The following PSMG2 variants were observed in gnomAD, a reference collection of about 807,000 sequenced individuals.
PSMG2 encodes the protein proteasome assembly chaperone 2, also known as CD40 ligand-activated specific transcript 3.
In PSMG2, 21 loss-of-function variants were observed where a neutral mutation model predicts 31.5. That is an observed-to-expected ratio of 0.67 (90% CI 0.47 to 0.96). PSMG2 has a LOEUF of 0.96. Ranked by LOEUF, PSMG2 falls within the 40% of genes least tolerant of loss-of-function variation. The pLI, the probability that PSMG2 is intolerant of heterozygous loss-of-function variation, is 0.00. For synonymous variants in PSMG2, 120 were observed against 110.4 expected (o/e 1.09, Z -0.54); for missense variants, 318 against 321.2 (o/e 0.99, Z 0.08).
At chr18:12,702,427 G>A, upstream of PSMG2, 1 of 1,351,132 alleles carries the variant, frequency 7.4e-7, no homozygotes. Flanking sequence ...GGGCCGCCGG[G>A]CAGGAGGGAA....
At chr18:12,690,160 T>A (rs931273479) in intron 1 of PSMG2, among the ~76,000 whole-genome samples, 15 of 152,162 alleles carry the variant, frequency 9.9e-5, no homozygotes, top group African/African-American at 3.6e-4. Context: ...TGCCAACCAG[T>A]CATTCAATAT....
At chr18:12,698,905 T>C, upstream of PSMG2, 1 of 1,092,438 alleles carries the variant, frequency 9.2e-7, no homozygotes, top group Non-Finnish European at 1.3e-6. Context: ...ACAGAAAAAG[T>C]CATTATTATT....
chr18:12,723,476 G>A (rs1024630304), intron 5 of PSMG2, among the ~76,000 whole-genome samples: 1 of 151,620 alleles, frequency 6.6e-6, no homozygotes, highest in African/African-American at 2.4e-5. Flanking sequence ...CTTCATTTGC[G>A]ACAGAGTCTT....
At position 12,682,984 on chromosome 18, in the gene PSMG2, A is replaced by G. The variant is rs113616490; in HGVS notation, c.-36-23566A>G. Among the ~76,000 whole-genome samples, 422 of 152,196 alleles carry G rather than the reference A, an allele frequency of 2.8e-3. 1 individual carries two copies. The highest frequency in any genetic ancestry group is 0.01 in the Middle Eastern group (3 of 294). On this transcript the variant is annotated intron_variant, in intron 1 of 6. Coordinates refer to the PSMG2 transcript ENST00000585331. ...GTCCTAAAGAAAATTCAGAAGTAAAATAAAAATATCTGCAAAGATAGTCAG... is the reference window on the plus strand; with the variant it reads ...GTCCTAAAGAAAATTCAGAAGTAAAGTAAAAATATCTGCAAAGATAGTCAG...
intron 1 of PSMG2, chr18:12,670,746 C>G (rs1444483605): frequency 6.6e-6 from 1 of 151,288 alleles, no homozygotes; most frequent in East Asian, 2.0e-4. Context: ...CTTTTGGGCT[C>G]AAGTGATTCA....
intron 1 of PSMG2, chr18:12,672,655 CA>C: frequency 1.0e-6 from 1 of 982,250 alleles, no homozygotes. Context: ...CACAATTTAT[CA>C]GTATCATAAC....
At chr18:12,712,090 A>C (rs2040337958) in intron 2 of PSMG2, among the ~76,000 whole-genome samples, 1 of 152,178 alleles carries the variant, frequency 6.6e-6, no homozygotes, top group Non-Finnish European at 1.5e-5. Flanking sequence ...TTGGGCAGGG[A>C]AGCCTTAAGC....
intron 1 of PSMG2, among the ~76,000 whole-genome samples, chr18:12,705,576 A>AGTGTGTGTGTGTGTGTGT (rs548642491): frequency 4.6e-5 from 6 of 129,678 alleles, no homozygotes; most frequent in South Asian, 5.5e-4. Flanking sequence ...AGAGAGAGAG[A>AGTGTGTGTGTGTGTGTGT]GTGTGTGTGT....
intron 1 of PSMG2, among the ~76,000 whole-genome samples, chr18:12,687,641 G>A (rs2039590159): frequency 6.6e-6 from 1 of 151,302 alleles, no homozygotes; most frequent in African/African-American, 2.4e-5. Context: ...TTGTAGAGAT[G>A]GGGTTTCACG....
Position 12,720,492 on chromosome 18 carries a change from C to T in PSMG2, c.408-18C>T. The T allele has an allele frequency of 1.3e-6, 2 of 1,546,692 alleles. No homozygotes were observed. The highest frequency in any genetic ancestry group is 1.7e-6 in the Non-Finnish European group (2 of 1,147,578). On this transcript the variant is annotated intron_variant, in intron 4 of 6. Coordinates refer to ENST00000317615, the MANE Select transcript of PSMG2 (RefSeq NM_020232.5). ...TGCTTTAGAGTTTTTAAAAAGTTAA[C>T]TATATGATTATTTCTAGTACTCCCT...
Position 12,673,414 on chromosome 18 carries a change from G to A in PSMG2, c.-37+14641G>A, listed in dbSNP as rs1276301468. The A allele has an allele frequency of 1.9e-6, 3 of 1,606,736 alleles. No homozygotes were observed. Among genetic ancestry groups the A allele is most frequent in the Admixed American group, 3.4e-5 (2 of 58,276 alleles). On this transcript the variant is annotated intron_variant, in intron 1 of 6. Coordinates refer to the PSMG2 transcript ENST00000585331. ...AGCAAACATGATCCAAACAGCACATGCAGATTCAGGGTAAGTAAATACTCG... is the reference window on the plus strand; with the variant it reads ...AGCAAACATGATCCAAACAGCACATACAGATTCAGGGTAAGTAAATACTCG...
chr18:12,695,315 A>T, intron 1 of PSMG2: 1 of 1,568,590 alleles, frequency 6.4e-7, no homozygotes, highest in Non-Finnish European at 8.7e-7. Context: ...TTCAAGTTTT[A>T]TATTTAAAAT....
intron 1 of PSMG2, chr18:12,674,807 C>G: frequency 8.9e-7 from 1 of 1,129,780 alleles, no homozygotes; most frequent in East Asian, 2.6e-5. Flanking sequence ...ATTTTTAAAA[C>G]CAACTAAATA....
In PSMG2 at chr18:12,703,120, T is replaced by G; in HGVS notation, c.13T>G (p.Cys5Gly). 6.2e-7 allele frequency: 1 copy of G among 1,612,580 alleles called. No individual in the cohort carries two copies. The highest frequency in any genetic ancestry group is 8.5e-7 in the Non-Finnish European group (1 of 1,179,648). The change falls in exon 1 of 7, where the codon TGC (cysteine) becomes GGC (glycine). Residue 5 changes from cysteine to glycine, a missense_variant. Coordinates refer to ENST00000317615, the MANE Select transcript of PSMG2 (RefSeq NM_020232.5). ...CCCCACTGCGACCATGTTCGTTCCC[T>G]GCGGGGAGTCGGCCCCCGACCTTGC... MFVP[C>G]GESAPDLAGF...
At chr18:12,691,570 CT>C in intron 1 of PSMG2, 1 of 998,988 alleles carries the variant, frequency 1.0e-6, no homozygotes, top group Non-Finnish European at 1.5e-6. Context: ...ATCTACTTCT[CT>C]ACATCATTAC....
intron 1 of PSMG2, among the ~76,000 whole-genome samples, chr18:12,674,261 AC>A (rs1367668628): frequency 6.6e-6 from 1 of 151,520 alleles, no homozygotes; most frequent in Non-Finnish European, 1.5e-5. Context: ...ACATAGGAAG[AC>A]CCCCATCTCT....
intron 1 of PSMG2, chr18:12,680,688 A>T (rs2039316647): frequency 6.2e-7 from 1 of 1,612,680 alleles, no homozygotes; most frequent in Non-Finnish European, 8.5e-7. Flanking sequence ...TCTCCCAAAA[A>T]GTGATGGCCC....
chr18:12,700,146 C>G (rs2040102653), upstream of PSMG2: 1 of 296,126 alleles, frequency 3.4e-6, no homozygotes, highest in Non-Finnish European at 6.2e-6. Context: ...GTAATACTAT[C>G]CACATAAAGC....
At chr18:12,712,480 C>T (rs140510610) in intron 2 of PSMG2, among the ~76,000 whole-genome samples, 1 of 152,170 alleles carries the variant, frequency 6.6e-6, no homozygotes, top group Non-Finnish European at 1.5e-5. Flanking sequence ...TTACAGTTAA[C>T]TTTTCAGAAA....
Sources: allele counts gnomAD v4.1 joint callset (sites outside exome capture counted in the v4.1 genomes callset), GRCh38; gene constraint gnomAD v4.1.1; transcripts MANE v1.5; gene names NCBI Gene and HGNC (gene_info 2026-07-23, HGNC 2026-07-21).